The following UMPS variants were observed in gnomAD, a reference collection of about 807,000 sequenced individuals.
UMPS encodes uridine 5'-monophosphate synthase.
UMPS carries 21 observed loss-of-function variants against 38.9 expected under a neutral mutation model. That is an observed-to-expected ratio of 0.54 (90% confidence interval 0.38 to 0.78). The LOEUF is 0.78. Among genes scored for constraint, UMPS ranks in the 30% least tolerant of loss-of-function variants. The pLI, the probability that UMPS is intolerant of heterozygous loss-of-function variation, is 0.00. For synonymous variants in UMPS, 208 were observed against 219.3 expected, an observed-to-expected ratio of 0.95 and a Z score of 0.45; for missense variants, 533 against 591.6, an observed-to-expected ratio of 0.90 and a Z score of 1.03.
At chr3:124,742,886 G>T (rs1344560204) in intron 5 of UMPS, among the ~76,000 whole-genome samples, 2 of 151,966 alleles carry the variant, frequency 1.3e-5, no homozygotes, top group Non-Finnish European at 2.9e-5. Context: ...GTATTTTTTT[G>T]ATATTGAACC....
intron 1 of UMPS, among the ~76,000 whole-genome samples, chr3:124,731,830 G>A (rs932035467): frequency 2.0e-5 from 3 of 146,398 alleles, no homozygotes; most frequent in Admixed American, 1.4e-4. Flanking sequence ...GCAGTTAGCC[G>A]AAATTGAGCC....
intron 2 of UMPS, among the ~76,000 whole-genome samples, chr3:124,735,604 C>T (rs978580437): frequency 2.6e-5 from 4 of 152,088 alleles, no homozygotes; most frequent in African/African-American, 9.7e-5. Flanking sequence ...TAAAATTACT[C>T]TCATAAAGCA....
chr3:124,736,369 T>C (rs1255511207), intron 2 of UMPS, among the ~76,000 whole-genome samples: 1 of 152,104 alleles, frequency 6.6e-6, no homozygotes, highest in African/African-American at 2.4e-5. Flanking sequence ...TTAAAACAAA[T>C]CCTTCTTCTA....
In UMPS at chr3:124,730,507, G is replaced by A. The variant is rs1430987545; in HGVS notation, c.36G>A (p.Val12=). 1.9e-6 allele frequency: 3 copies of A among 1,614,228 alleles called. No homozygotes were observed. Among genetic ancestry groups the A allele is most frequent in the Non-Finnish European group, 1.7e-6 (2 of 1,180,026 alleles). The part of the protein sequence containing the change: ...AVARAALGPL[V]TGLYDVQAFK... ...CTCGTGCAGCTTTGGGGCCATTGGT[G>A]ACGGGTCTGTACGACGTGCAGGCTT... Residue 12 remains valine (V), a synonymous_variant, in exon 1 of 6, where the codon GTG becomes GTA. Transcript: ENST00000232607.
chr3:124,737,482 GTT>G, intron 2 of UMPS, 84 bp from the exon 3 acceptor site: 1 of 1,349,312 alleles, frequency 7.4e-7, no homozygotes, highest in East Asian at 2.3e-5. Flanking sequence ...TAACTGGCAA[GTT>G]TTGTATACAG....
intron 1 of UMPS, among the ~76,000 whole-genome samples, chr3:124,734,699 G>A (rs913049483): frequency 5.9e-5 from 9 of 151,970 alleles, no homozygotes; most frequent in African/African-American, 4.8e-5. Flanking sequence ...TTTCTGTTAC[G>A]TTGTTACATG....
chr3:124,739,174 C>T (rs987277581), intron 3 of UMPS, among the ~76,000 whole-genome samples: 6 of 152,118 alleles, frequency 3.9e-5, no homozygotes, highest in Non-Finnish European at 5.9e-5. Flanking sequence ...TTTCGAAAAT[C>T]AGGCTTGTTA....
Position 124,737,553 on chromosome 3 carries a change from T to C in UMPS, c.311-15T>C, listed in dbSNP as rs377321043. 22 of 1,613,950 alleles carry C rather than the reference T, an allele frequency of 1.4e-5. No homozygotes were observed. In the African/African-American group the frequency reaches 2.9e-4, roughly 22 times the overall value. ...ATATTTAAATTTGGAATCAGCAAAA[T>C]TTTTTCTTTTCTAGGAACTAAGCGT... On this transcript the variant is annotated splice_polypyrimidine_tract_variant and intron_variant, in intron 2 of 5. Coordinates refer to ENST00000232607, the MANE Select transcript of UMPS (RefSeq NM_000373.4).
chr3:124,738,327 C>G (rs1354069037), intron 3 of UMPS, 88 bp downstream of exon 3: 1 of 1,422,262 alleles, frequency 7.0e-7, no homozygotes, highest in Admixed American at 1.9e-5. Context: ...ATTGAAAGTC[C>G]ATTCATAGAG....
In UMPS at chr3:124,748,693, G is replaced by T. The variant is rs1281086352; in HGVS notation, c.*4609G>T. 1 of 453,156 alleles carries T rather than the reference G, an allele frequency of 2.2e-6. No homozygotes were observed. The highest frequency in any genetic ancestry group is 2.4e-5 in the Admixed American group (1 of 42,460). The allele number at this position is 453,156 out of a possible 1,614,324, so 28.1% of individuals were successfully genotyped here. On this transcript the variant is annotated 3_prime_UTR_variant, in exon 6 of 6. Transcript: ENST00000232607. ...GGAACTGTCAGCAGAGGAGGTCTGTGTCATGTTTTTCAGCGCTGGGGTTGG... is the reference window on the plus strand; with the variant it reads ...GGAACTGTCAGCAGAGGAGGTCTGTTTCATGTTTTTCAGCGCTGGGGTTGG...
chr3:124,748,770 C>T lies in UMPS; in HGVS notation c.*4686C>T, dbSNP rs1271751203. ...CAGAGATCCCTCGCCCCAGCTCGGC[C>T]ATGTGTGTCTGGGACAGAGCCTGAG... On this transcript the variant is annotated 3_prime_UTR_variant, in exon 6 of 6. Coordinates refer to ENST00000232607, the MANE Select transcript of UMPS (RefSeq NM_000373.4). The T allele has an allele frequency of 2.4e-6, 1 of 414,430 alleles. No individual in the cohort carries two copies. The highest frequency in any genetic ancestry group is 1.8e-5 in the South Asian group (1 of 55,966). 25.7% of individuals were successfully genotyped at this position (414,430 alleles called of 1,614,324 possible). A position where few individuals can be genotyped will look rare whatever the true frequency, so the allele number is the denominator to read the frequency against.
intron 2 of UMPS, among the ~76,000 whole-genome samples, chr3:124,736,376 TCTA>T (rs1298409434): frequency 6.6e-6 from 1 of 152,180 alleles, no homozygotes; most frequent in Non-Finnish European, 1.5e-5. Flanking sequence ...AAATCCTTCT[TCTA>T]CAGATGCATT....
rs1249277036 is a variant in UMPS, at chr3:124,738,044, G to T, written c.787G>T (p.Ala263Ser). The T allele has an allele frequency of 5.6e-6, 9 of 1,614,214 alleles. No homozygotes were observed. In the Admixed American group the frequency reaches 1.5e-4, roughly 27 times the overall value. Residue 263 changes from alanine to serine, a missense_variant, in exon 3 of 6, where the codon GCC becomes TCC. Physicochemically the swap from Ala to Ser is moderately conservative, Grantham distance 99. Transcript: ENST00000232607. ...GTGTCTATCTGCTGATGTTTCACTG[G>T]CCAGAGAGCTGTTGCAGCTAGCAGA... is the stretch of plus-strand genomic sequence containing the variant. ...NLCLSADVSL[A>S]RELLQLADAL...
At position 124,746,755 on chromosome 3, in the gene UMPS, TTGTGTGTGTGTGTGTG is replaced by T. The variant is rs58981387; in HGVS notation, c.*2698_*2713del. ...ATTCTGTAGAACATAAGCCCATAGA[TTGTGTGTGTGTGTGTG>T]TGTGTGTGTGTGTGTGTGTGTGTGT... On this transcript the variant is annotated 3_prime_UTR_variant, in exon 6 of 6. Transcript: ENST00000232607. 0.023 allele frequency: 9,422 copies of T among 410,122 alleles called. 149 individuals carry two copies. Among genetic ancestry groups the T allele is most frequent in the African/African-American group, 0.078 (3,695 of 47,180 alleles). The allele number at this position is 410,122 out of a possible 1,614,324, so 25.4% of individuals were successfully genotyped here.
chr3:124,742,033 A>G, intron 4 of UMPS, 119 bp from the exon 5 acceptor site: 2 of 860,376 alleles, frequency 2.3e-6, no homozygotes, highest in Non-Finnish European at 3.7e-6. Flanking sequence ...CAGGGAACAT[A>G]GGGAGACCTC....
intron 4 of UMPS, among the ~76,000 whole-genome samples, chr3:124,740,805 C>A (rs1017672280): frequency 6.6e-6 from 1 of 152,052 alleles, no homozygotes; most frequent in Non-Finnish European, 1.5e-5. Context: ...AAGAAAATAA[C>A]CAGGCATGGT....
rs1385290972 is a variant in UMPS at position 124,747,944 on chromosome 3, G to A, written c.*3860G>A. On this transcript the variant is annotated 3_prime_UTR_variant, in exon 6 of 6. Coordinates refer to ENST00000232607, the MANE Select transcript of UMPS (RefSeq NM_000373.4). ...AGCTTGGTTCCTTTGCCCCTTAACA[G>A]GTGGGTATGAATCGTGTCTTCAGTG... The A allele has an allele frequency of 1.8e-5, 8 of 453,866 alleles. No homozygotes were observed. Among genetic ancestry groups the A allele is most frequent in the Non-Finnish European group, 3.5e-5 (8 of 226,740 alleles). 28.1% of individuals were successfully genotyped at this position (453,866 alleles called of 1,614,324 possible).
Position 124,746,615 on chromosome 3 carries a change from C to T in UMPS, c.*2531C>T, listed in dbSNP as rs2063600379. On this transcript the variant is annotated 3_prime_UTR_variant, in exon 6 of 6. Coordinates refer to ENST00000232607, the MANE Select transcript of UMPS (RefSeq NM_000373.4). ...AGAACATGATCTCTGGGCATTGTAA[C>T]TCCTGGTCTTAGTGGGGAATATAGG... 3 of 453,996 alleles carry T rather than the reference C, an allele frequency of 6.6e-6. No individual in the cohort carries two copies. The highest frequency in any genetic ancestry group is 8.8e-6 in the Non-Finnish European group (2 of 226,804). 28.1% of individuals were successfully genotyped at this position (453,996 alleles called of 1,614,324 possible).
At position 124,748,372 on chromosome 3, in the gene UMPS, C is replaced by T. The variant is rs1318275406; in HGVS notation, c.*4288C>T. ...TTGTAATTTGGCCTTGTATGAGTTACCCTGCAATCCCTTTGTTTTCCCCAT... is the reference window on the plus strand; with the variant it reads ...TTGTAATTTGGCCTTGTATGAGTTATCCTGCAATCCCTTTGTTTTCCCCAT... On this transcript the variant is annotated 3_prime_UTR_variant, in exon 6 of 6. Transcript: ENST00000232607. 4.4e-6 allele frequency: 2 copies of T among 453,866 alleles called. No homozygotes were observed. Among genetic ancestry groups the T allele is most frequent in the Non-Finnish European group, 8.8e-6 (2 of 226,802 alleles). 28.1% of individuals were successfully genotyped at this position (453,866 alleles called of 1,614,324 possible).
Sources: gnomAD v4.1 joint callset for allele counts (sites outside exome capture counted in the v4.1 genomes callset) on GRCh38, gnomAD v4.1.1 for gene constraint, MANE v1.5 for transcripts, NCBI Gene and HGNC (gene_info 2026-07-23, HGNC 2026-07-21) for gene names.